ADCY2: variants seen among roughly 807,000 people sequenced by gnomAD.
ADCY2 encodes adenylate cyclase 2.
Under a neutral mutation model 125.2 loss-of-function variants are expected in ADCY2, and 31 were observed. The observed-to-expected ratio is 0.25, with a 90% CI of 0.19 to 0.33. The LOEUF (loss-of-function observed/expected upper bound fraction) is 0.33, where lower values mean the gene tolerates loss of function less well. ADCY2 is among the 10% of genes least tolerant of loss of function. The probability of loss-of-function intolerance (pLI) is 1.00; values close to 1 mark genes in which losing one functional copy is unlikely to be tolerated. For missense variants in ADCY2, 904 were observed against 1,418.2 expected (o/e 0.64, Z 5.82); for synonymous variants, 512 against 548.4 (o/e 0.93, Z 0.93).
intron 4 of ADCY2, among the ~76,000 whole-genome samples, chr5:7,638,071 A>G (rs1330798456): frequency 6.6e-6 from 1 of 152,224 alleles, no homozygotes; most frequent in African/African-American, 2.4e-5. Context: ...AGATATCCTG[A>G]GCCTTTCTCA....
intron 16 of ADCY2, among the ~76,000 whole-genome samples, chr5:7,761,446 C>T (rs553741150): frequency 6.6e-6 from 1 of 152,060 alleles, no homozygotes; most frequent in East Asian, 1.9e-4. Flanking sequence ...CATGCCCAGC[C>T]CAAAATTTCT....
At chr5:7,774,396 C>T (rs902945465) in intron 18 of ADCY2, among the ~76,000 whole-genome samples, 1 of 152,198 alleles carries the variant, frequency 6.6e-6, no homozygotes, top group Non-Finnish European at 1.5e-5. Flanking sequence ...TACTATTGCT[C>T]TACTATATCC....
At chr5:7,658,431 G>GTGTATATATA (rs59664339) in intron 4 of ADCY2, among the ~76,000 whole-genome samples, 7 of 142,918 alleles carry the variant, frequency 4.9e-5, no homozygotes, top group Non-Finnish European at 1.1e-4. Flanking sequence ...GTGTGTGTGT[G>GTGTATATATA]TATATATATA....
At chr5:7,457,058 G>T (rs981554607) in intron 2 of ADCY2, among the ~76,000 whole-genome samples, 1 of 152,128 alleles carries the variant, frequency 6.6e-6, no homozygotes, top group Admixed American at 6.5e-5. Context: ...TTAAGAGGAG[G>T]TCCCAGCAAT....
intron 3 of ADCY2, among the ~76,000 whole-genome samples, chr5:7,574,209 C>T (rs371827228): frequency 5.6e-5 from 7 of 126,018 alleles, no homozygotes; most frequent in East Asian, 4.3e-4. Flanking sequence ...TGAATAATGC[C>T]GCAGTAAACA....
chr5:7,671,061 T>C (rs530356628), intron 4 of ADCY2, among the ~76,000 whole-genome samples: 1 of 152,336 alleles, frequency 6.6e-6, no homozygotes, highest in East Asian at 1.9e-4. Context: ...TAGAGACAGA[T>C]GTTAGGCAAG....
intron 4 of ADCY2, among the ~76,000 whole-genome samples, chr5:7,678,825 C>T (rs1183835044): frequency 6.6e-6 from 1 of 152,170 alleles, no homozygotes; most frequent in Non-Finnish European, 1.5e-5. Flanking sequence ...AGAGCTGAGG[C>T]CAGAATGTTC....
chr5:7,615,630 G>A (rs964358114), intron 3 of ADCY2, among the ~76,000 whole-genome samples: 3 of 152,170 alleles, frequency 2.0e-5, no homozygotes, highest in African/African-American at 2.4e-5. Flanking sequence ...CTTTGGTGAC[G>A]TGGTTTCCAG....
intron 2 of ADCY2, among the ~76,000 whole-genome samples, chr5:7,485,509 A>G (rs1215779354): frequency 6.6e-6 from 1 of 152,218 alleles, no homozygotes; most frequent in Non-Finnish European, 1.5e-5. Context: ...AATGCAAAGC[A>G]GAAGAGATAC....
intron 3 of ADCY2, among the ~76,000 whole-genome samples, chr5:7,598,171 C>T (rs1182350699): frequency 6.6e-6 from 1 of 152,146 alleles, no homozygotes; most frequent in Non-Finnish European, 1.5e-5. Context: ...CTTTTAGTGC[C>T]TCCTGTGCTG....
intron 3 of ADCY2, among the ~76,000 whole-genome samples, chr5:7,612,112 A>G (rs1247056471): frequency 6.6e-6 from 1 of 152,012 alleles, no homozygotes; most frequent in Non-Finnish European, 1.5e-5. Context: ...CATTTTTTTT[A>G]TTCTTAGAAC....
chr5:7,474,723 G>A (rs777341446), intron 2 of ADCY2, among the ~76,000 whole-genome samples: 7 of 152,208 alleles, frequency 4.6e-5, no homozygotes, highest in African/African-American at 7.2e-5. Flanking sequence ...AAAGAAAGAA[G>A]CTTGGGTTTT....
chr5:7,738,820 C>G (rs778485421), intron 14 of ADCY2, among the ~76,000 whole-genome samples: 8 of 151,640 alleles, frequency 5.3e-5, no homozygotes, highest in Non-Finnish European at 7.4e-5. Flanking sequence ...GTCATTTCAC[C>G]AGGAGGCGTA....
chr5:7,797,384 G>C (rs1195499985), intron 20 of ADCY2: 1 of 152,268 alleles, frequency 6.6e-6, no homozygotes, highest in Non-Finnish European at 1.5e-5. Context: ...ATGTTTTCTA[G>C]AACACTCCAA....
At chr5:7,584,980 A>G (rs1174430419) in intron 3 of ADCY2, among the ~76,000 whole-genome samples, 1 of 152,212 alleles carries the variant, frequency 6.6e-6, no homozygotes, top group African/African-American at 2.4e-5. Flanking sequence ...AGTGGAAAAA[A>G]TGTTTTCTAA....
intron 4 of ADCY2, among the ~76,000 whole-genome samples, chr5:7,635,781 G>A (rs867891635): frequency 1.3e-5 from 2 of 152,164 alleles, no homozygotes; most frequent in African/African-American, 4.8e-5. Context: ...AGAGGAAGAT[G>A]AAGAAGCCCA....
At chr5:7,777,162 A>T (rs1743759638) in intron 18 of ADCY2, among the ~76,000 whole-genome samples, 1 of 152,076 alleles carries the variant, frequency 6.6e-6, no homozygotes, top group South Asian at 2.1e-4. Flanking sequence ...GTGCCTGAGG[A>T]CCAAGCAGCT....
At chr5:7,594,896 T>C (rs1461123146) in intron 3 of ADCY2, among the ~76,000 whole-genome samples, 2 of 152,206 alleles carry the variant, frequency 1.3e-5, no homozygotes, top group African/African-American at 4.8e-5. Flanking sequence ...AAAGATTATG[T>C]CTAAGGAAGA....
chr5:7,789,905 A>G, intron 20 of ADCY2, 105 bp downstream of exon 20: 1 of 862,522 alleles, frequency 1.2e-6, no homozygotes. Context: ...AGTACTTCAC[A>G]CATCTGAGTG....
Sources: allele counts gnomAD v4.1 joint callset (sites outside exome capture counted in the v4.1 genomes callset), GRCh38; gene constraint gnomAD v4.1.1; transcripts MANE v1.5; gene names NCBI Gene and HGNC (gene_info 2026-07-23, HGNC 2026-07-21).